COL14A1: variants seen among roughly 807,000 people sequenced by gnomAD.
The protein encoded by COL14A1 is collagen alpha-1(XIV) chain.
Under a neutral mutation model 230.3 loss-of-function variants are expected in COL14A1, and 136 were observed. The observed-to-expected ratio is 0.59, with a 90% CI of 0.51 to 0.68. COL14A1 has a LOEUF of 0.68. Among genes scored for constraint, COL14A1 ranks in the 30% least tolerant of loss-of-function variants. The pLI, the probability that COL14A1 is intolerant of heterozygous loss-of-function variation, is 0.00. For missense variants in COL14A1, 1,976 were observed against 2,215.8 expected (o/e 0.89, Z 2.17); for synonymous variants, 792 against 784.1 (o/e 1.01, Z -0.17).
chr8:120,320,053 C>T (rs1821384855), intron 40 of COL14A1, among the ~76,000 whole-genome samples: 1 of 151,584 alleles, frequency 6.6e-6, no homozygotes, highest in Non-Finnish European at 1.5e-5. Flanking sequence ...TGGTGGCTTT[C>T]TCAGTCCCCA....
In COL14A1 at chr8:120,209,473, T is replaced by C. The variant is rs183532520; in HGVS notation, c.1322-283T>C. ...CAATGAAGGGCTGTAAGCACTCTCATAGATCCCTGTACAAGGAGCTGGAAA... is the reference window on the plus strand; with the variant it reads ...CAATGAAGGGCTGTAAGCACTCTCACAGATCCCTGTACAAGGAGCTGGAAA... On this transcript the variant is annotated intron_variant, in intron 11 of 47. Coordinates refer to ENST00000297848, the MANE Select transcript of COL14A1 (RefSeq NM_021110.4). Among the ~76,000 whole-genome samples, 4 of 152,282 alleles carry C rather than the reference T, an allele frequency of 2.6e-5. No homozygotes were observed. The East Asian group carries it at 7.7e-4, about 29-fold the overall frequency.
At chr8:120,139,721 C>G (rs1230181402) in intron 1 of COL14A1, among the ~76,000 whole-genome samples, 2 of 152,080 alleles carry the variant, frequency 1.3e-5, no homozygotes, top group Non-Finnish European at 2.9e-5. Flanking sequence ...TAAAATACCA[C>G]AATCATCTTA....
At chr8:120,363,131 T>C (rs1468729689) in intron 45 of COL14A1, among the ~76,000 whole-genome samples, 1 of 152,144 alleles carries the variant, frequency 6.6e-6, no homozygotes, top group African/African-American at 2.4e-5. Flanking sequence ...TATGCTTGCT[T>C]ATAATGGGCA....
At chr8:120,284,956 A>G (rs1820148479) in intron 32 of COL14A1, among the ~76,000 whole-genome samples, 2 of 152,178 alleles carry the variant, frequency 1.3e-5, no homozygotes, top group Non-Finnish European at 2.9e-5. Context: ...AAAATTCCAT[A>G]GGGCTTTGGA....
chr8:120,139,801 A>G lies in COL14A1; in HGVS notation c.-37-8005A>G, dbSNP rs866649839. On this transcript the variant is annotated intron_variant, in intron 1 of 47. Coordinates refer to ENST00000297848, the MANE Select transcript of COL14A1 (RefSeq NM_021110.4). ...GGCACTGGGAGGCGGAGGTGGGAGG[A>G]TTGCTGGAGCCCAGGAGTTCAAGAC... Among the ~76,000 whole-genome samples the G allele has an allele frequency of 6.6e-5, 10 of 152,192 alleles. No individual in the cohort carries two copies. The South Asian group carries it at 2.1e-3, about 32-fold the overall frequency.
intron 1 of COL14A1, among the ~76,000 whole-genome samples, chr8:120,146,897 A>G (rs1373834836): frequency 6.6e-6 from 1 of 152,070 alleles, no homozygotes; most frequent in East Asian, 1.9e-4. Flanking sequence ...TCTCTGAGGG[A>G]AGGATTTCAG....
intron 1 of COL14A1, among the ~76,000 whole-genome samples, chr8:120,140,998 T>C (rs1053814512): frequency 2.2e-4 from 34 of 152,204 alleles, no homozygotes; most frequent in African/African-American, 7.7e-4. Flanking sequence ...ATGACGTTTT[T>C]AAACAAGAGC....
chr8:120,169,155 C>T (rs535669745), intron 5 of COL14A1, among the ~76,000 whole-genome samples: 13 of 152,278 alleles, frequency 8.5e-5, no homozygotes, highest in African/African-American at 2.9e-4. Flanking sequence ...TGCACCCTGC[C>T]GATTATTCCC....
intron 35 of COL14A1, among the ~76,000 whole-genome samples, chr8:120,299,578 C>A (rs1194290277): frequency 6.6e-6 from 1 of 152,030 alleles, no homozygotes; most frequent in Non-Finnish European, 1.5e-5. Context: ...TAACAGTCAG[C>A]AGCACTGGCA....
At chr8:120,306,449 G>A (rs1327808749) in intron 36 of COL14A1, among the ~76,000 whole-genome samples, 1 of 152,156 alleles carries the variant, frequency 6.6e-6, no homozygotes, top group Non-Finnish European at 1.5e-5. Context: ...TCTAAATAAA[G>A]CGTAATAAAC....
At chr8:120,289,498 A>C in intron 33 of COL14A1, 110 bp from the exon 34 acceptor site, 67 of 840,680 alleles carry the variant, frequency 8.0e-5, no homozygotes, top group Middle Eastern at 2.7e-4. Flanking sequence ...TGGTGACAGA[A>C]TTCTTTCTCT....
intron 5 of COL14A1, among the ~76,000 whole-genome samples, chr8:120,182,726 G>GGTTTTTTTT (rs1554603200): frequency 4.7e-5 from 6 of 129,014 alleles, no homozygotes; most frequent in Admixed American, 8.1e-5. Context: ...ATTTTTCTTC[G>GGTTTTTTTT]TTTTTTTTTT....
At chr8:120,215,756 C>T (rs1315260503) in intron 13 of COL14A1, among the ~76,000 whole-genome samples, 2 of 152,048 alleles carry the variant, frequency 1.3e-5, no homozygotes, top group East Asian at 3.9e-4. Flanking sequence ...AAGAGCAATC[C>T]AGGAGGCTCC....
intron 40 of COL14A1, among the ~76,000 whole-genome samples, chr8:120,324,332 T>C (rs1821578549): frequency 3.3e-5 from 5 of 152,166 alleles, no homozygotes; most frequent in African/African-American, 9.7e-5. Flanking sequence ...TATACATTTT[T>C]AATGTGTGTG....
At chr8:120,367,469 C>T (rs774114229) in intron 46 of COL14A1, among the ~76,000 whole-genome samples, 2 of 152,032 alleles carry the variant, frequency 1.3e-5, no homozygotes, top group Admixed American at 6.5e-5. Flanking sequence ...GTGTGAGTTG[C>T]GATAGGACAG....
intron 4 of COL14A1, among the ~76,000 whole-genome samples, chr8:120,164,028 G>A (rs1282335793): frequency 6.6e-6 from 1 of 152,090 alleles, no homozygotes; most frequent in African/African-American, 2.4e-5. Context: ...TTTGTATTGT[G>A]AATGCAAACA....
intron 19 of COL14A1, among the ~76,000 whole-genome samples, chr8:120,235,795 C>T (rs1376663032): frequency 6.6e-6 from 1 of 152,290 alleles, no homozygotes; most frequent in South Asian, 2.1e-4. Flanking sequence ...TAGCTGTGTT[C>T]CAGAGATTCT....
In COL14A1 at chr8:120,369,370, T is replaced by A. The variant is rs2130400221; in HGVS notation, c.5196T>A (p.Pro1732=). The A allele has an allele frequency of 1.2e-6, 2 of 1,603,084 alleles. No individual in the cohort carries two copies. Among genetic ancestry groups the A allele is most frequent in the Non-Finnish European group, 1.7e-6 (2 of 1,174,774 alleles). Residue 1732 remains proline, a synonymous_variant, in exon 47 of 48, where the codon CCT becomes CCA. Coordinates refer to ENST00000297848, the MANE Select transcript of COL14A1 (RefSeq NM_021110.4). ...GTCGGCCTGGCAGCCCTGGGCCCCCTGGCTCTCCTGGACCAAGAGGCCCAC... is the reference window on the plus strand; with the variant it reads ...GTCGGCCTGGCAGCCCTGGGCCCCCAGGCTCTCCTGGACCAAGAGGCCCAC... ...GESRPGSPGP[P]GSPGPRGPPG...
chr8:120,150,992 G>C (rs758682693), intron 2 of COL14A1, among the ~76,000 whole-genome samples: 3 of 150,930 alleles, frequency 2.0e-5, no homozygotes, highest in Admixed American at 6.6e-5. Context: ...GATTGAAAGA[G>C]TAAAAAAAAA....
Sources: allele counts gnomAD v4.1 joint callset (sites outside exome capture counted in the v4.1 genomes callset), GRCh38; gene constraint gnomAD v4.1.1; transcripts MANE v1.5; gene names NCBI Gene and HGNC (gene_info 2026-07-23, HGNC 2026-07-21).